The following EIF2AK3 variants were observed in gnomAD, a reference collection of about 807,000 sequenced individuals.
The protein encoded by EIF2AK3 is eukaryotic translation initiation factor 2 alpha kinase 3, also known as eukaryotic translation initiation factor 2-alpha kinase 3.
Under a neutral mutation model 113.5 loss-of-function variants are expected in EIF2AK3, and 50 were observed. That is an observed-to-expected ratio of 0.44 (90% CI 0.35 to 0.56). The LOEUF (loss-of-function observed/expected upper bound fraction) is 0.56, where lower values mean the gene tolerates loss of function less well. Among genes scored for constraint, EIF2AK3 ranks in the 20% least tolerant of loss-of-function variants. The pLI is 0.00. For missense variants in EIF2AK3, 1,185 were observed against 1,378.0 expected (o/e 0.86, Z 2.22); for synonymous variants, 448 against 495.4 (o/e 0.90, Z 1.27).
At position 88,590,799 on chromosome 2, in the gene EIF2AK3, C is replaced by T. The variant is rs774097248; in HGVS notation, c.1002+19G>A. On this transcript the variant is annotated intron_variant, in intron 5 of 16. Transcript: ENST00000303236. ...GGAGAGGAAGAACCGTATTTTAAATCCTCAGTGGTGTTAGGTACCTGGTAC... is the reference window on the plus strand; with the variant it reads ...GGAGAGGAAGAACCGTATTTTAAATTCTCAGTGGTGTTAGGTACCTGGTAC... The T allele has an allele frequency of 1.2e-6, 2 of 1,612,666 alleles. No individual in the cohort carries two copies. Among genetic ancestry groups the T allele is most frequent in the South Asian group, 2.2e-5 (2 of 91,030 alleles).
intron 8 of EIF2AK3, among the ~76,000 whole-genome samples, chr2:88,587,477 T>G (rs991295681): frequency 6.6e-6 from 1 of 152,166 alleles, no homozygotes; most frequent in Non-Finnish European, 1.5e-5. Context: ...CACCTATTCT[T>G]GACTTTTGCA....
At chr2:88,579,423 A>G (rs545114827) in intron 11 of EIF2AK3, 95 bp downstream of exon 11, 25 of 1,505,798 alleles carry the variant, frequency 1.7e-5, no homozygotes, top group South Asian at 1.5e-4. Flanking sequence ...ACTGTTTTCT[A>G]TGGTGTTTAC....
At chr2:88,610,782 C>CGT (rs1675434881) in intron 2 of EIF2AK3, among the ~76,000 whole-genome samples, 8 of 151,924 alleles carry the variant, frequency 5.3e-5, no homozygotes, top group Admixed American at 5.2e-4. Context: ...TTAGGCTGGT[C>CGT]GTGGTGGCTT....
intron 10 of EIF2AK3, among the ~76,000 whole-genome samples, chr2:88,581,535 T>A (rs1674601767): frequency 6.6e-6 from 1 of 152,244 alleles, no homozygotes; most frequent in South Asian, 2.1e-4. Flanking sequence ...CCATAGACTT[T>A]AAGCTTCTCC....
At chr2:88,623,284 C>G (rs1245763764) in intron 1 of EIF2AK3, among the ~76,000 whole-genome samples, 1 of 152,174 alleles carries the variant, frequency 6.6e-6, no homozygotes, top group Admixed American at 6.5e-5. Context: ...GACCATCCCA[C>G]TTAAATATCA....
At chr2:88,588,131 T>A in intron 7 of EIF2AK3, 27 bp from the exon 8 acceptor site, 1 of 1,383,332 alleles carries the variant, frequency 7.2e-7, no homozygotes, top group South Asian at 1.3e-5. Flanking sequence ...ATTTTCTTAA[T>A]AATAATATTT....
At chr2:88,559,951 C>T (rs1673900395) in intron 15 of EIF2AK3, among the ~76,000 whole-genome samples, 1 of 151,894 alleles carries the variant, frequency 6.6e-6, no homozygotes, top group South Asian at 2.1e-4. Context: ...TTTTCATTTC[C>T]CTTGAGTACA....
intron 8 of EIF2AK3, among the ~76,000 whole-genome samples, chr2:88,586,423 A>G (rs1674733852): frequency 6.6e-6 from 1 of 152,094 alleles, no homozygotes; most frequent in African/African-American, 2.4e-5. Flanking sequence ...AGTTATCAAT[A>G]AAATACCAAA....
intron 13 of EIF2AK3, 117 bp from the exon 14 acceptor site, chr2:88,571,158 A>G: frequency 7.9e-7 from 1 of 1,267,624 alleles, no homozygotes; most frequent in Non-Finnish European, 1.1e-6. Flanking sequence ...TTTCAAGCAT[A>G]TTTCTTTTTA....
At chr2:88,583,883 AAGGT>A (rs1445140058) in intron 9 of EIF2AK3, among the ~76,000 whole-genome samples, 1 of 147,892 alleles carries the variant, frequency 6.8e-6, no homozygotes, top group African/African-American at 2.7e-5. Flanking sequence ...TTGACAAAAT[AAGGT>A]AGGGAAAAAA....
At chr2:88,598,919 G>C (rs1290583498) in intron 2 of EIF2AK3, among the ~76,000 whole-genome samples, 1 of 152,130 alleles carries the variant, frequency 6.6e-6, no homozygotes. Context: ...AAGTGTGTAT[G>C]AGGGAATGGG....
chr2:88,618,339 A>G (rs1675637264), intron 1 of EIF2AK3, among the ~76,000 whole-genome samples: 1 of 152,254 alleles, frequency 6.6e-6, no homozygotes, highest in African/African-American at 2.4e-5. Context: ...CAAGAATTGA[A>G]GGAACTGCAG....
intron 1 of EIF2AK3, among the ~76,000 whole-genome samples, chr2:88,620,086 CTCT>C (rs575803288): frequency 4.6e-5 from 7 of 152,174 alleles, no homozygotes; most frequent in Non-Finnish European, 8.8e-5. Flanking sequence ...TCTTTCCCCT[CTCT>C]TCTTCCCACA....
chr2:88,613,340 G>A (rs373471760), intron 2 of EIF2AK3, among the ~76,000 whole-genome samples: 125 of 152,202 alleles, frequency 8.2e-4, no homozygotes, highest in African/African-American at 2.9e-3. Flanking sequence ...GGATTTTGCA[G>A]CACAGATTTC....
intron 1 of EIF2AK3, among the ~76,000 whole-genome samples, chr2:88,616,368 T>C (rs1488484444): frequency 6.6e-6 from 1 of 152,166 alleles, no homozygotes; most frequent in Non-Finnish European, 1.5e-5. Flanking sequence ...CCGTTCCTTC[T>C]GCCTGGAACA....
At chr2:88,606,227 A>T (rs1675270116) in intron 2 of EIF2AK3, among the ~76,000 whole-genome samples, 1 of 152,234 alleles carries the variant, frequency 6.6e-6, no homozygotes, top group Admixed American at 6.5e-5. Flanking sequence ...ACTGATTTTA[A>T]TAACTATCTC....
chr2:88,593,141 C>CA (rs1553410063), intron 4 of EIF2AK3, 131 bp downstream of exon 4: 23 of 1,098,950 alleles, frequency 2.1e-5, no homozygotes, highest in East Asian at 1.1e-4. Context: ...GACTCCGTAT[C>CA]AAAAAAATAT....
At chr2:88,603,386 C>G (rs1675199067) in intron 2 of EIF2AK3, among the ~76,000 whole-genome samples, 1 of 152,204 alleles carries the variant, frequency 6.6e-6, no homozygotes, top group Admixed American at 6.5e-5. Flanking sequence ...CTGCTTTTTC[C>G]CACTGCTTTC....
intron 7 of EIF2AK3, among the ~76,000 whole-genome samples, chr2:88,588,508 T>A (rs1674795961): frequency 6.6e-6 from 1 of 152,192 alleles, no homozygotes; most frequent in African/African-American, 2.4e-5. Context: ...AGGGAATGAT[T>A]AAGAGTTTTT....
Sources: gnomAD v4.1 joint callset for allele counts (sites outside exome capture counted in the v4.1 genomes callset) on GRCh38, gnomAD v4.1.1 for gene constraint, MANE v1.5 for transcripts, NCBI Gene and HGNC (gene_info 2026-07-23, HGNC 2026-07-21) for gene names.